FBXL17: variants seen among roughly 807,000 people sequenced by gnomAD.
FBXL17 encodes F-box and leucine rich repeat protein 17, also known as F-box/LRR-repeat protein 17.
FBXL17 carries 22 observed loss-of-function variants against 66.2 expected under a neutral mutation model. The ratio of observed to expected loss-of-function variants is 0.33; its 90% CI spans 0.24 to 0.47. The LOEUF (loss-of-function observed/expected upper bound fraction) is 0.47, where lower values mean the gene tolerates loss of function less well. Among genes scored for constraint, FBXL17 ranks in the 20% least tolerant of loss-of-function variants. FBXL17 has a pLI of 1.00. For synonymous variants in FBXL17, 474 were observed against 400.5 expected, an observed-to-expected ratio of 1.18 and a Z score of -2.19; for missense variants, 878 against 948.2, an observed-to-expected ratio of 0.93 and a Z score of 0.97.
intron 4 of FBXL17, among the ~76,000 whole-genome samples, chr5:108,283,480 A>G (rs1757779574): frequency 6.6e-6 from 1 of 151,772 alleles, no homozygotes; most frequent in Non-Finnish European, 1.5e-5. Flanking sequence ...CTGGACTGCC[A>G]TATGAAGGAT....
At position 107,861,692 on chromosome 5, in the gene FBXL17, T is replaced by TTGGCAGAGCATTCAG; in HGVS notation, c.*27_*28insCTGAATGCTCTGCCA. 6.5e-7 allele frequency: 1 copy of TTGGCAGAGCATTCAG among 1,537,864 alleles called. No homozygotes were observed. Among genetic ancestry groups the TTGGCAGAGCATTCAG allele is most frequent in the Non-Finnish European group, 8.8e-7 (1 of 1,138,592 alleles). On this transcript the variant is annotated 3_prime_UTR_variant, in exon 9 of 9. Coordinates refer to ENST00000542267, the MANE Select transcript of FBXL17 (RefSeq NM_001163315.3). ...AATTCTCCTCTGCTCTGCTGAATGA[T>TTGGCAGAGCATTCAG]CCCAGTGGACTAGGCGAGGCAGGAG...
chr5:108,225,901 T>C (rs1755079456), intron 4 of FBXL17, among the ~76,000 whole-genome samples: 1 of 152,212 alleles, frequency 6.6e-6, no homozygotes, highest in Admixed American at 6.5e-5. Flanking sequence ...CATTTGCTTC[T>C]TGTATCAACT....
At chr5:108,377,152 G>A (rs1040002942) in intron 1 of FBXL17, among the ~76,000 whole-genome samples, 1 of 152,150 alleles carries the variant, frequency 6.6e-6, no homozygotes, top group Non-Finnish European at 1.5e-5. Flanking sequence ...CTGTATCTGG[G>A]TTAAGAAGGG....
At chr5:108,083,157 A>G (rs1056773971) in intron 6 of FBXL17, among the ~76,000 whole-genome samples, 2 of 152,014 alleles carry the variant, frequency 1.3e-5, no homozygotes, top group African/African-American at 4.8e-5. Context: ...TCTACCTAAT[A>G]CAAGGAAAAT....
chr5:108,381,011 ACCGCCGCCGCCG>A lies in FBXL17; in HGVS notation c.669_680del (p.Gly228_Gly231del), dbSNP rs906102490. 14 of 1,180,600 alleles carry A rather than the reference ACCGCCGCCGCCG, an allele frequency of 1.2e-5. 1 individual carries two copies. The highest frequency in any genetic ancestry group is 1.6e-5 in the African/African-American group (1 of 61,764). 73.1% of individuals were successfully genotyped at this position (1,180,600 alleles called of 1,614,324 possible). ...CTCCCCCCGCAGGCCCTCCCCCGCC[ACCGCCGCCGCCG>A]CCGCCGCCGCAGCCCCCGCCGCCGC... On this transcript the variant is annotated inframe_deletion, in exon 1 of 9. Transcript: ENST00000542267.
chr5:108,221,598 A>G (rs749757245), intron 5 of FBXL17, among the ~76,000 whole-genome samples: 8 of 152,200 alleles, frequency 5.3e-5, no homozygotes, highest in Non-Finnish European at 7.3e-5. Flanking sequence ...ATGTAAAAAC[A>G]TATTTAGGCT....
chr5:108,073,053 G>C (rs1748402143), intron 6 of FBXL17, among the ~76,000 whole-genome samples: 1 of 152,070 alleles, frequency 6.6e-6, no homozygotes, highest in Admixed American at 6.6e-5. Context: ...CCTATGTCTA[G>C]TTACAGAAGT....
At chr5:107,880,281 G>T (rs1248192290) in intron 8 of FBXL17, 1 of 760,972 alleles carries the variant, frequency 1.3e-6, no homozygotes, top group Non-Finnish European at 1.6e-6. Context: ...GTTTTCCCAT[G>T]TTGTCCAGGC....
chr5:108,374,362 T>A (rs1315027665), intron 1 of FBXL17, among the ~76,000 whole-genome samples: 1 of 152,036 alleles, frequency 6.6e-6, no homozygotes, highest in Non-Finnish European at 1.5e-5. Context: ...CCAATGACAA[T>A]GAAAGGAAAT....
chr5:107,992,934 C>T (rs554657653), intron 7 of FBXL17, among the ~76,000 whole-genome samples: 2 of 151,816 alleles, frequency 1.3e-5, no homozygotes, highest in East Asian at 1.9e-4. Context: ...CTTGCTCTGT[C>T]GCCCAGGTTG....
chr5:107,890,750 G>C (rs902064341), intron 7 of FBXL17, among the ~76,000 whole-genome samples: 1 of 152,010 alleles, frequency 6.6e-6, no homozygotes, highest in African/African-American at 2.4e-5. Context: ...CACCAAGGTT[G>C]GTGAAAACAT....
intron 6 of FBXL17, among the ~76,000 whole-genome samples, chr5:108,089,257 C>T (rs1749096912): frequency 6.6e-6 from 1 of 152,166 alleles, no homozygotes; most frequent in Non-Finnish European, 1.5e-5. Flanking sequence ...TAAAACATTG[C>T]AGTGTTGCTG....
intron 7 of FBXL17, among the ~76,000 whole-genome samples, chr5:107,924,163 G>A (rs1750419042): frequency 1.3e-5 from 2 of 151,600 alleles, no homozygotes; most frequent in Admixed American, 1.3e-4. Context: ...GGGACTACAG[G>A]GGTGAGCCAC....
chr5:108,183,623 T>A (rs1230135779), intron 6 of FBXL17, among the ~76,000 whole-genome samples: 1 of 152,176 alleles, frequency 6.6e-6, no homozygotes, highest in Non-Finnish European at 1.5e-5. Context: ...GTTACATGGA[T>A]GAATTCTACA....
chr5:108,056,054 T>C (rs1205284647), intron 6 of FBXL17, among the ~76,000 whole-genome samples: 1 of 152,162 alleles, frequency 6.6e-6, no homozygotes, highest in Non-Finnish European at 1.5e-5. Flanking sequence ...ACTATTTATA[T>C]ATATCATAGC....
intron 4 of FBXL17, among the ~76,000 whole-genome samples, chr5:108,301,252 T>C (rs909843840): frequency 6.6e-6 from 1 of 151,700 alleles, no homozygotes; most frequent in Non-Finnish European, 1.5e-5. Flanking sequence ...CATATGTATA[T>C]AGATGAATTA....
intron 2 of FBXL17, among the ~76,000 whole-genome samples, chr5:108,365,594 A>G (rs995800343): frequency 1.3e-5 from 2 of 152,082 alleles, no homozygotes; most frequent in Admixed American, 1.3e-4. Flanking sequence ...TCCAGAGTTC[A>G]GTGAATAGTT....
In FBXL17 at chr5:108,268,525, T is replaced by C. The variant is rs568245747; in HGVS notation, c.1507-44297A>G. Among the ~76,000 whole-genome samples the C allele has an allele frequency of 2.7e-3, 406 of 152,140 alleles. 2 individuals are homozygous for C. Among genetic ancestry groups the C allele is most frequent in the African/African-American group, 9.2e-3 (381 of 41,538 alleles). ...GTCACTTGGCACAATACTTCAGTCA[T>C]TGCAGAACACCTGATTCCTCACTCC... On this transcript the variant is annotated intron_variant, in intron 4 of 8. Coordinates refer to ENST00000542267, the MANE Select transcript of FBXL17 (RefSeq NM_001163315.3).
chr5:108,378,489 G>A (rs1749606457), intron 1 of FBXL17, among the ~76,000 whole-genome samples: 1 of 131,314 alleles, frequency 7.6e-6, no homozygotes, highest in Non-Finnish European at 1.6e-5. Flanking sequence ...TGATAGACTT[G>A]TGCCTCTCTA....
Sources: gnomAD v4.1 joint callset for allele counts (sites outside exome capture counted in the v4.1 genomes callset) on GRCh38, gnomAD v4.1.1 for gene constraint, MANE v1.5 for transcripts, NCBI Gene and HGNC (gene_info 2026-07-23, HGNC 2026-07-21) for gene names.